STXBP4: variants seen among roughly 807,000 people sequenced by gnomAD.
STXBP4 encodes the protein syntaxin binding protein 4.
STXBP4 carries 55 observed loss-of-function variants against 76.1 expected under a neutral mutation model. The observed-to-expected ratio is 0.72, with a 90% CI of 0.58 to 0.91. The LOEUF is 0.91. Among genes scored for constraint, STXBP4 ranks in the 40% least tolerant of loss-of-function variants. The pLI is 0.00. For missense variants in STXBP4, 618 were observed against 636.9 expected, an observed-to-expected ratio of 0.97 and a Z score of 0.32; for synonymous variants, 201 against 220.2, an observed-to-expected ratio of 0.91 and a Z score of 0.77.
chr17:55,149,924 C>G (rs1243204663), intron 17 of STXBP4, among the ~76,000 whole-genome samples: 3 of 152,152 alleles, frequency 2.0e-5, no homozygotes, highest in Non-Finnish European at 2.9e-5. Flanking sequence ...CATCAAAGCC[C>G]CTTTTCCCCC....
intron 1 of STXBP4, among the ~76,000 whole-genome samples, chr17:54,981,841 C>G (rs2077554965): frequency 6.6e-6 from 1 of 152,004 alleles, no homozygotes; most frequent in African/African-American, 2.4e-5. Context: ...CAGAGAAAGA[C>G]CTAACGATAA....
chr17:55,140,407 G>A (rs16955668), intron 16 of STXBP4, among the ~76,000 whole-genome samples: 6,946 of 152,174 alleles, frequency 0.046, 265 homozygotes, highest in East Asian at 0.2. Context: ...GTTAAAGGTC[G>A]GTTACTTTCC....
At chr17:55,092,547 C>G (rs1051453596) in intron 16 of STXBP4, among the ~76,000 whole-genome samples, 7 of 152,236 alleles carry the variant, frequency 4.6e-5, no homozygotes, top group Admixed American at 3.9e-4. Context: ...TATTTTTACT[C>G]AACCAATTGA....
rs57649088 is a variant in STXBP4 at position 55,107,072 on chromosome 17, C to T, written c.1489+25889C>T. Among the ~76,000 whole-genome samples the T allele has an allele frequency of 7.1e-3, 1,081 of 152,248 alleles. 16 individuals carry two copies. Among genetic ancestry groups the T allele is most frequent in the African/African-American group, 0.025 (1,022 of 41,540 alleles). On this transcript the variant is annotated intron_variant, in intron 16 of 17. Coordinates refer to ENST00000376352, the MANE Select transcript of STXBP4 (RefSeq NM_178509.6). Reference sequence around the variant, plus strand: ...TTCTCCCTGTCACTTTCAGGTACACCAATCAAACATAGGTTTGGTCTTTTT... The same window carrying T: ...TTCTCCCTGTCACTTTCAGGTACACTAATCAAACATAGGTTTGGTCTTTTT...
At chr17:55,204,118 CTATTTT>C in the STXBP4 span, among the ~76,000 whole-genome samples, 1 of 151,828 alleles carries the variant, frequency 6.6e-6, no homozygotes, top group South Asian at 2.1e-4. Flanking sequence ...CCCTGTCCTT[CTATTTT>C]TAATGCTATT....
intron 16 of STXBP4, among the ~76,000 whole-genome samples, chr17:55,093,019 G>A (rs1428870777): frequency 6.6e-6 from 1 of 151,588 alleles, no homozygotes; most frequent in Non-Finnish European, 1.5e-5. Context: ...TTTGGAGACA[G>A]GGTCTCTCTC....
rs1460394892 is a variant in STXBP4 at position 55,162,862 on chromosome 17, A to G, written c.*2951A>G. Reference sequence around the variant, plus strand: ...TTAATCTTTTATTTCAAATGTCTACATAAAATATCACTACCCACATAACCT... The same window carrying G: ...TTAATCTTTTATTTCAAATGTCTACGTAAAATATCACTACCCACATAACCT... On this transcript the variant is annotated 3_prime_UTR_variant, in exon 18 of 18. Coordinates refer to ENST00000376352, the MANE Select transcript of STXBP4 (RefSeq NM_178509.6). 6.6e-6 allele frequency: 1 copy of G among 152,232 alleles called. No homozygotes were observed. The highest frequency in any genetic ancestry group is 6.5e-5 in the Admixed American group (1 of 15,284). 9.4% of individuals were successfully genotyped at this position (152,232 alleles called of 1,614,324 possible).
At chr17:55,022,691 G>A (rs770371190) in intron 8 of STXBP4, among the ~76,000 whole-genome samples, 1 of 152,136 alleles carries the variant, frequency 6.6e-6, no homozygotes, top group African/African-American at 2.4e-5. Flanking sequence ...TGAAGCGTGA[G>A]AATTATGGTG....
At chr17:54,974,086 A>G (rs2077436242) in intron 1 of STXBP4, among the ~76,000 whole-genome samples, 1 of 152,206 alleles carries the variant, frequency 6.6e-6, no homozygotes, top group Non-Finnish European at 1.5e-5. Flanking sequence ...AAGTTAAGGA[A>G]ATTGGGACTT....
chr17:55,150,251 C>T lies in STXBP4; in HGVS notation c.1547+8884C>T, dbSNP rs569615407. 1.1e-4 allele frequency among the ~76,000 whole-genome samples: 16 copies of T among 152,258 alleles called. 1 individual carries two copies. The highest frequency in any genetic ancestry group is 6.8e-3 in the Middle Eastern group (2 of 294). On this transcript the variant is annotated intron_variant, in intron 17 of 17. Coordinates refer to ENST00000376352, the MANE Select transcript of STXBP4 (RefSeq NM_178509.6). ...GAAATTTATTTTCTCACAGAAGTCC[C>T]AAGATCAGGGCGCCATCAGGGTTGG... is the stretch of plus-strand genomic sequence containing the variant.
intron 16 of STXBP4, among the ~76,000 whole-genome samples, chr17:55,096,558 T>G (rs2079489018): frequency 6.6e-6 from 1 of 152,028 alleles, no homozygotes; most frequent in Non-Finnish European, 1.5e-5. Context: ...ATTGATTTTC[T>G]CAGGAGATAG....
At position 54,990,840 on chromosome 17, in the gene STXBP4, G is replaced by T; in HGVS notation, c.63G>T (p.Gln21His). Residue 21 changes from glutamine to histidine, a missense_variant, in exon 4 of 18, where the codon CAG becomes CAT. Transcript: ENST00000376352. ...PSLLEKDPAF[Q>H]MITIAKETGL... ...TTTATCTTAGGGATCCTGCCTTTCA[G>T]ATGATTACAATTGCCAAGGAAACAG... 1 of 1,603,608 alleles carries T rather than the reference G, an allele frequency of 6.2e-7. No homozygotes were observed. The highest frequency in any genetic ancestry group is 2.2e-5 in the East Asian group (1 of 44,468).
At chr17:55,138,777 T>A (rs1199840604) in intron 16 of STXBP4, among the ~76,000 whole-genome samples, 4 of 152,140 alleles carry the variant, frequency 2.6e-5, no homozygotes, top group African/African-American at 9.6e-5. Flanking sequence ...AAACCTTTAC[T>A]AAGGGAAAAC....
chr17:55,159,713 A>G (rs1301942751), intron 17 of STXBP4, 84 bp from the exon 18 acceptor site: 1 of 840,168 alleles, frequency 1.2e-6, no homozygotes, highest in Non-Finnish European at 1.9e-6. Flanking sequence ...CTAGGGTAGA[A>G]GCAATGTCAC....
intron 4 of STXBP4, among the ~76,000 whole-genome samples, chr17:54,995,942 C>G (rs2077794778): frequency 6.6e-6 from 1 of 152,074 alleles, no homozygotes; most frequent in East Asian, 1.9e-4. Flanking sequence ...GGACAGAGTT[C>G]TAGTTATGCC....
intron 8 of STXBP4, among the ~76,000 whole-genome samples, chr17:55,022,748 A>G (rs2078337005): frequency 6.7e-6 from 1 of 148,748 alleles, no homozygotes; most frequent in Admixed American, 6.8e-5. Context: ...ATGCAAAAGT[A>G]CTAAGACAGG....
intron 13 of STXBP4, among the ~76,000 whole-genome samples, chr17:55,077,759 G>A (rs968342970): frequency 1.2e-4 from 17 of 147,550 alleles, no homozygotes; most frequent in African/African-American, 4.3e-4. Context: ...TGTTAAATTA[G>A]TAGAGGTTTC....
At chr17:55,087,561 G>A (rs1034030431) in intron 16 of STXBP4, among the ~76,000 whole-genome samples, 1 of 152,118 alleles carries the variant, frequency 6.6e-6, no homozygotes, top group East Asian at 1.9e-4. Context: ...CTGTAAATAT[G>A]TGGATTAATT....
the STXBP4 span, among the ~76,000 whole-genome samples, chr17:55,185,450 CGT>C: frequency 1.3e-5 from 2 of 150,408 alleles, no homozygotes; most frequent in Non-Finnish European, 1.5e-5. Context: ...GGTGTGTGTA[CGT>C]GTGTGTGTGT....
Sources: allele counts gnomAD v4.1 joint callset (sites outside exome capture counted in the v4.1 genomes callset), GRCh38; gene constraint gnomAD v4.1.1; transcripts MANE v1.5; gene names NCBI Gene and HGNC (gene_info 2026-07-23, HGNC 2026-07-21).